The following PIK3C2G variants were observed in gnomAD, a reference collection of about 807,000 sequenced individuals.
PIK3C2G encodes phosphatidylinositol 3-kinase C2 domain-containing subunit gamma.
A neutral mutation model predicts 181.1 loss-of-function variants in PIK3C2G; 168 were observed. That is an observed-to-expected ratio of 0.93 (90% CI 0.82 to 1.05). The LOEUF is 1.05. PIK3C2G is among the 50% of genes least tolerant of loss of function. The pLI is 0.00. For missense variants in PIK3C2G, 1,869 were observed against 1,732.8 expected, an observed-to-expected ratio of 1.08 and a Z score of -1.40; for synonymous variants, 573 against 592.2, an observed-to-expected ratio of 0.97 and a Z score of 0.47.
chr12:18,285,699 T>C (rs1949415879), intron 2 of PIK3C2G, among the ~76,000 whole-genome samples: 3 of 149,744 alleles, frequency 2.0e-5, no homozygotes, highest in South Asian at 4.2e-4. Context: ...CCATGAATTA[T>C]AAAAAAAAGA....
chr12:18,272,689 T>C (rs2137061901), intron 1 of PIK3C2G, among the ~76,000 whole-genome samples: 1 of 130,048 alleles, frequency 7.7e-6, no homozygotes. Context: ...TGTGAATTCA[T>C]GGATATAAAC....
chr12:18,538,693 C>T (rs964221387), intron 25 of PIK3C2G, among the ~76,000 whole-genome samples: 1 of 151,790 alleles, frequency 6.6e-6, no homozygotes, highest in African/African-American at 2.4e-5. Flanking sequence ...TAGTGTAGAC[C>T]AGGCAAGAAT....
At position 18,471,013 on chromosome 12, in the gene PIK3C2G, G is replaced by A. The variant is rs115313350; in HGVS notation, c.2505-17436G>A. On this transcript the variant is annotated intron_variant, in intron 18 of 32. Transcript: ENST00000538779. ...ATTCAATTTTAAAAAGTTAAGAAAC[G>A]TTAACTTAGACCTTTATGATGCCCT... 4.9e-3 allele frequency among the ~76,000 whole-genome samples: 740 copies of A among 152,110 alleles called. 5 individuals carry two copies. The highest frequency in any genetic ancestry group is 0.017 in the African/African-American group (692 of 41,518).
At chr12:18,700,444 G>A in the PIK3C2G span, among the ~76,000 whole-genome samples, 1 of 132,216 alleles carries the variant, frequency 7.6e-6, no homozygotes, top group African/African-American at 2.8e-5. Context: ...GCTAAACAGA[G>A]CTTTGCATTC....
At chr12:18,699,861 T>G in the PIK3C2G span, 2 of 1,613,206 alleles carry the variant, frequency 1.2e-6, no homozygotes, top group Non-Finnish European at 1.7e-6. Context: ...ATTGCTGATA[T>G]AATCTTGAAT....
intron 18 of PIK3C2G, among the ~76,000 whole-genome samples, chr12:18,441,192 T>C (rs555767451): frequency 3.1e-4 from 47 of 152,176 alleles, no homozygotes; most frequent in Non-Finnish European, 5.4e-4. Flanking sequence ...TCAAGTAAAA[T>C]TGAGATCTGA....
chr12:18,441,424 G>T (rs777981279), intron 18 of PIK3C2G, among the ~76,000 whole-genome samples: 1 of 152,068 alleles, frequency 6.6e-6, no homozygotes, highest in South Asian at 2.1e-4. Context: ...AGGAAAAATT[G>T]CTTTTTAAAT....
chr12:18,292,355 C>G (rs932697413), intron 4 of PIK3C2G, among the ~76,000 whole-genome samples: 36 of 150,456 alleles, frequency 2.4e-4, no homozygotes, highest in Admixed American at 1.9e-3. Flanking sequence ...GTATGCATCT[C>G]ATTTCATTTC....
intron 18 of PIK3C2G, among the ~76,000 whole-genome samples, chr12:18,477,976 T>C (rs1939170731): frequency 6.6e-6 from 1 of 152,122 alleles, no homozygotes; most frequent in African/African-American, 2.4e-5. Flanking sequence ...AAAGGGGAAT[T>C]TTATTATTAG....
chr12:18,536,902 G>A (rs1943884274), intron 24 of PIK3C2G, among the ~76,000 whole-genome samples: 1 of 152,102 alleles, frequency 6.6e-6, no homozygotes, highest in Non-Finnish European at 1.5e-5. Flanking sequence ...TTTTGTTGAA[G>A]AAATGAATGA....
At chr12:18,700,528 A>AAAAAAAAAC in the PIK3C2G span, among the ~76,000 whole-genome samples, 1 of 150,148 alleles carries the variant, frequency 6.7e-6, no homozygotes, top group East Asian at 1.9e-4. Context: ...AAAAAAAAAA[A>AAAAAAAAAC]AAAAAAAATA....
At chr12:18,425,394 T>C (rs1258742240) in intron 18 of PIK3C2G, among the ~76,000 whole-genome samples, 5 of 135,332 alleles carry the variant, frequency 3.7e-5, no homozygotes, top group Non-Finnish European at 7.8e-5. Context: ...TTCTTTTTTT[T>C]TTTTTTTTTT....
At chr12:18,607,353 T>C (rs1948083567) in intron 30 of PIK3C2G, among the ~76,000 whole-genome samples, 1 of 152,036 alleles carries the variant, frequency 6.6e-6, no homozygotes, top group African/African-American at 2.4e-5. Flanking sequence ...AAAACAGAGA[T>C]ATAGATCAAT....
At chr12:18,400,744 G>C (rs1434363390) in intron 16 of PIK3C2G, among the ~76,000 whole-genome samples, 1 of 152,012 alleles carries the variant, frequency 6.6e-6, no homozygotes, top group East Asian at 1.9e-4. Context: ...AGAGTTACTA[G>C]CTTCTCAGTC....
chr12:18,438,559 G>T (rs1946569326), intron 18 of PIK3C2G, among the ~76,000 whole-genome samples: 1 of 151,788 alleles, frequency 6.6e-6, no homozygotes, highest in East Asian at 1.9e-4. Context: ...CAATTCTTTA[G>T]TCTCCATTTC....
chr12:18,644,518 A>T (rs1477262199), intron 32 of PIK3C2G, among the ~76,000 whole-genome samples: 1 of 152,144 alleles, frequency 6.6e-6, no homozygotes, highest in African/African-American at 2.4e-5. Flanking sequence ...CAGAACAGGA[A>T]CGTTCTATGC....
chr12:18,514,595 T>G (rs1942418057), intron 24 of PIK3C2G, among the ~76,000 whole-genome samples: 1 of 151,982 alleles, frequency 6.6e-6, no homozygotes, highest in Non-Finnish European at 1.5e-5. Context: ...TGATTTTGTA[T>G]CCTGCAACTT....
At chr12:18,348,600 G>A (rs1181679481) in intron 11 of PIK3C2G, among the ~76,000 whole-genome samples, 1 of 152,112 alleles carries the variant, frequency 6.6e-6, no homozygotes, top group Non-Finnish European at 1.5e-5. Context: ...CTGGACATGG[G>A]AAAACATGAA....
At chr12:18,505,240 A>AT in intron 23 of PIK3C2G, 52 bp from the exon 24 acceptor site, 1 of 1,449,462 alleles carries the variant, frequency 6.9e-7, no homozygotes, top group Non-Finnish European at 9.4e-7. Flanking sequence ...ATGCTAATGC[A>AT]TTTGCTCATT....
Sources: gnomAD v4.1 joint callset for allele counts (sites outside exome capture counted in the v4.1 genomes callset) on GRCh38, gnomAD v4.1.1 for gene constraint, MANE v1.5 for transcripts, NCBI Gene and HGNC (gene_info 2026-07-23, HGNC 2026-07-21) for gene names.